C10orf90: variants seen among roughly 807,000 people sequenced by gnomAD.
C10orf90 encodes the protein chromosome 10 open reading frame 90.
Under a neutral mutation model 62.5 loss-of-function variants are expected in C10orf90, and 56 were observed. That is an observed-to-expected ratio of 0.90 (90% CI 0.72 to 1.12). The LOEUF is 1.12. Ranked by LOEUF, C10orf90 falls within the 50% of genes most tolerant of loss-of-function variation. C10orf90 has a pLI of 0.00. For synonymous variants in C10orf90, 386 were observed against 340.4 expected (o/e 1.13, Z -1.47); for missense variants, 970 against 880.4 (o/e 1.10, Z -1.29).
intron 2 of C10orf90, among the ~76,000 whole-genome samples, chr10:126,582,567 A>G (rs1218639686): frequency 6.6e-6 from 1 of 152,182 alleles, no homozygotes; most frequent in Non-Finnish European, 1.5e-5. Context: ...ATTCCATTGT[A>G]ATGTCTGTGG....
chr10:126,439,503 G>A (rs1858160694), intron 7 of C10orf90, among the ~76,000 whole-genome samples: 1 of 151,970 alleles, frequency 6.6e-6, no homozygotes, highest in South Asian at 2.1e-4. Context: ...ATCTGACAAA[G>A]AATTCAAAAT....
At position 126,655,273 on chromosome 10, in the gene C10orf90, G is replaced by A. The variant is rs575468708; in HGVS notation, c.241-8636C>T. ...GCGGAGGTGGCAGTGGGCCGAGATC[G>A]TTCCACTGCACTCCAGCCTGGCAAC... is the stretch of plus-strand genomic sequence containing the variant. On this transcript the variant is annotated intron_variant, in intron 1 of 9. Coordinates refer to ENST00000488181, the MANE Select transcript of C10orf90 (RefSeq NM_001350921.2). Among the ~76,000 whole-genome samples, 15 of 152,176 alleles carry A rather than the reference G, an allele frequency of 9.9e-5. No homozygotes were observed. In the East Asian group the frequency reaches 2.5e-3, roughly 25 times the overall value.
intron 1 of C10orf90, among the ~76,000 whole-genome samples, chr10:126,661,066 T>G (rs1220728642): frequency 1.3e-5 from 2 of 152,200 alleles, no homozygotes; most frequent in African/African-American, 4.8e-5. Context: ...TTCTTCTCAC[T>G]CCTCCCCCAC....
rs1844621414 is a variant in C10orf90 at position 126,576,684 on chromosome 10, C to CATATT, written c.314-62746_314-62745insAATAT. Among the ~76,000 whole-genome samples, 6 of 42,094 alleles carry CATATT rather than the reference C, an allele frequency of 1.4e-4. 1 individual carries two copies. The highest frequency in any genetic ancestry group is 8.6e-4 in the African/African-American group (6 of 6,964). 27.6% of individuals were successfully genotyped at this position (42,094 alleles called of 152,430 possible). A position where few individuals can be genotyped will look rare whatever the true frequency, so the allele number is the denominator to read the frequency against. On this transcript the variant is annotated intron_variant, in intron 2 of 9. Coordinates refer to ENST00000488181, the MANE Select transcript of C10orf90 (RefSeq NM_001350921.2). ...GTATACATATATATGTATACATATACATATACATGTATATGTATATGTATA... is the reference window on the plus strand; with the variant it reads ...GTATACATATATATGTATACATATACATATTATATACATGTATATGTATATGTATA...
intron 4 of C10orf90, among the ~76,000 whole-genome samples, chr10:126,484,766 C>G (rs1441126577): frequency 6.6e-6 from 1 of 152,058 alleles, no homozygotes; most frequent in African/African-American, 2.4e-5. Context: ...TTTACACATA[C>G]AGATATTAAG....
intron 1 of C10orf90, among the ~76,000 whole-genome samples, chr10:126,655,440 G>A (rs1238179719): frequency 6.6e-6 from 1 of 152,170 alleles, no homozygotes; most frequent in Non-Finnish European, 1.5e-5. Flanking sequence ...CACCCAGTGA[G>A]CACATGCTTT....
In C10orf90 at chr10:126,425,688, G is replaced by T. The variant is rs373435424; in HGVS notation, c.*176C>A. ...TTGACCTATTTTCTCGAGGGTTATTGTTTCTGTTTGGCTTGGGTCAGTAAT... is the reference window on the plus strand; with the variant it reads ...TTGACCTATTTTCTCGAGGGTTATTTTTTCTGTTTGGCTTGGGTCAGTAAT... On this transcript the variant is annotated 3_prime_UTR_variant, in exon 10 of 10. Transcript: ENST00000488181. 5.1e-4 allele frequency: 331 copies of T among 651,474 alleles called. No homozygotes were observed. The African/African-American group carries it at 5.5e-3, about 11-fold the overall frequency. The allele number at this position is 651,474 out of a possible 1,614,324, so 40.4% of individuals were successfully genotyped here. A position where few individuals can be genotyped will look rare whatever the true frequency, so the allele number is the denominator to read the frequency against.
At chr10:126,585,654 T>A (rs1017499457) in intron 2 of C10orf90, among the ~76,000 whole-genome samples, 6 of 152,080 alleles carry the variant, frequency 3.9e-5, no homozygotes, top group South Asian at 2.1e-4. Context: ...AGATTCAGCA[T>A]GTATGAGTCA....
At chr10:126,483,286 G>T (rs1466199085) in intron 4 of C10orf90, among the ~76,000 whole-genome samples, 1 of 152,224 alleles carries the variant, frequency 6.6e-6, no homozygotes, top group Non-Finnish European at 1.5e-5. Context: ...GTCTTTGCTA[G>T]TCTTTTGACT....
Position 126,505,047 on chromosome 10 carries a change from G to A in C10orf90, c.444C>T (p.Ser148=). The part of the protein sequence containing the change: ...LASQNTKMIS[S]IVISQMIDEN... ...CATCAATCATCTGGGAGATGACTAT[G>A]GATGAAATCATTTTTGTGTTTTGTG... Residue 148 remains serine (S), a synonymous_variant, in exon 4 of 10, where the codon TCC becomes TCT. Transcript: ENST00000488181. 6.2e-7 allele frequency: 1 copy of A among 1,611,396 alleles called. No homozygotes were observed. The highest frequency in any genetic ancestry group is 8.5e-7 in the Non-Finnish European group (1 of 1,178,946).
At chr10:126,561,522 T>C (rs1231682141) in intron 2 of C10orf90, among the ~76,000 whole-genome samples, 2 of 152,120 alleles carry the variant, frequency 1.3e-5, no homozygotes, top group Admixed American at 1.3e-4. Flanking sequence ...TAAAATTTGC[T>C]CCCAGAATCG....
In C10orf90 at chr10:126,620,248, A is replaced by G. The variant is rs796604322; in HGVS notation, c.313+26317T>C. Among the ~76,000 whole-genome samples, 16 of 152,228 alleles carry G rather than the reference A, an allele frequency of 1.1e-4. 1 individual carries two copies. Among genetic ancestry groups the G allele is most frequent in the African/African-American group, 3.6e-4 (15 of 41,538 alleles). ...AAAACCTTATTGTTTTAGCTTTTAC[A>G]TTTAAGTCAGTAATCCATCTGCAAG... On this transcript the variant is annotated intron_variant, in intron 2 of 9. Coordinates refer to ENST00000488181, the MANE Select transcript of C10orf90 (RefSeq NM_001350921.2).
chr10:126,631,109 A>G (rs1357654924), intron 2 of C10orf90, among the ~76,000 whole-genome samples: 1 of 152,212 alleles, frequency 6.6e-6, no homozygotes, highest in African/African-American at 2.4e-5. Flanking sequence ...GTTAGGCTTT[A>G]TAACACCAGA....
intron 2 of C10orf90, among the ~76,000 whole-genome samples, chr10:126,539,240 A>G (rs1317484414): frequency 6.6e-6 from 1 of 152,230 alleles, no homozygotes; most frequent in East Asian, 1.9e-4. Flanking sequence ...CAGGAAAAGC[A>G]AATCGGCTGT....
At chr10:126,490,889 G>A (rs548378779) in intron 4 of C10orf90, among the ~76,000 whole-genome samples, 11 of 150,294 alleles carry the variant, frequency 7.3e-5, no homozygotes, top group Middle Eastern at 3.5e-3. Flanking sequence ...GAAAAAGTAC[G>A]TAAAAAAATT....
At chr10:126,546,728 G>A (rs144263939) in intron 2 of C10orf90, among the ~76,000 whole-genome samples, 89 of 152,306 alleles carry the variant, frequency 5.8e-4, no homozygotes, top group Middle Eastern at 6.8e-3. Flanking sequence ...CAGTAACAAC[G>A]TGGCACTCCC....
chr10:126,477,283 G>T (rs1860941190), intron 4 of C10orf90, among the ~76,000 whole-genome samples: 1 of 149,010 alleles, frequency 6.7e-6, no homozygotes, highest in South Asian at 2.1e-4. Context: ...CCATTTTTGG[G>T]TCAGAATATT....
intron 1 of C10orf90, among the ~76,000 whole-genome samples, chr10:126,668,272 T>C (rs560357156): frequency 6.6e-6 from 1 of 152,340 alleles, no homozygotes; most frequent in African/African-American, 2.4e-5. Context: ...CTTTGTGCAT[T>C]GAGAGTTCAT....
intron 2 of C10orf90, among the ~76,000 whole-genome samples, chr10:126,516,938 C>A (rs999940967): frequency 6.6e-6 from 1 of 152,184 alleles, no homozygotes; most frequent in Non-Finnish European, 1.5e-5. Context: ...TGACTCTGAC[C>A]CTTCTTCCTC....
Sources: allele counts gnomAD v4.1 joint callset (sites outside exome capture counted in the v4.1 genomes callset), GRCh38; gene constraint gnomAD v4.1.1; transcripts MANE v1.5; gene names NCBI Gene and HGNC (gene_info 2026-07-23, HGNC 2026-07-21).